Variants in RPS19 observed in about 807,000 individuals in gnomAD.
RPS19 encodes the protein small ribosomal subunit protein eS19.
A neutral mutation model predicts 20.3 loss-of-function variants in RPS19; 1 was observed. The observed-to-expected ratio is 0.05, with a 90% CI of 0.02 to 0.23. The LOEUF (loss-of-function observed/expected upper bound fraction) is 0.23. RPS19 is among the 10% of genes least tolerant of loss of function. RPS19 has a pLI of 1.00. For synonymous variants in RPS19, 87 were observed against 74.8 expected (o/e 1.16, Z -0.84); for missense variants, 111 against 192.7 (o/e 0.58, Z 2.51).
At position 41,871,869 on chromosome 19, in the gene RPS19, AAAGC is replaced by A. The variant is rs1555842117; in HGVS notation, c.*496_*499del. ...CTGCAGAGGTGGCTTCCGCTGGAGT[AAAGC>A]AAGAGGGCCCAGGGTTCATGCTCTT... On this transcript the variant is annotated 3_prime_UTR_variant, in exon 6 of 6. Transcript: ENST00000598742. 5.3e-6 allele frequency: 1 copy of A among 187,502 alleles called. No individual in the cohort carries two copies. The highest frequency in any genetic ancestry group is 2.4e-5 in the African/African-American group (1 of 42,032). 11.6% of individuals were successfully genotyped at this position (187,502 alleles called of 1,614,324 possible).
Position 41,863,842 on chromosome 19 carries a change from CTTT to C in RPS19, c.172+2650_172+2652del, listed in dbSNP as rs3035799. 297 of 117,134 alleles carry C rather than the reference CTTT, an allele frequency of 2.5e-3. 1 individual carries two copies. Among genetic ancestry groups the C allele is most frequent in the African/African-American group, 5.5e-3 (172 of 31,242 alleles). The allele number at this position is 117,134 out of a possible 1,614,324, so 7.3% of individuals were successfully genotyped here. On this transcript the variant is annotated intron_variant, in intron 3 of 5. Transcript: ENST00000598742. ...GTGGTGCAGTGTAGCCCCGGACAGG[CTTT>C]TTTTTTTTTTTTTTTTTTTAAACAG...
At chr19:41,867,169 G>A (rs1243416955) in intron 3 of RPS19, among the ~76,000 whole-genome samples, 3 of 151,850 alleles carry the variant, frequency 2.0e-5, no homozygotes, top group African/African-American at 7.3e-5. Context: ...TGGGCGTGGT[G>A]GCTTGCACCT....
In RPS19 at chr19:41,869,317, C is replaced by T. The variant is rs1026808141; in HGVS notation, c.356+103C>T. On this transcript the variant is annotated intron_variant, in intron 4 of 5. Coordinates refer to ENST00000598742, the MANE Select transcript of RPS19 (RefSeq NM_001022.4). ...ATAGTCTGCCCAGCCCCTCAGGCCCCTCCTATCAGAGGCAGGCAGGAGGGG... is the reference window on the plus strand; with the variant it reads ...ATAGTCTGCCCAGCCCCTCAGGCCCTTCCTATCAGAGGCAGGCAGGAGGGG... The T allele has an allele frequency of 4.5e-6, 5 of 1,099,546 alleles. No homozygotes were observed. In the African/African-American group the frequency reaches 6.3e-5, roughly 14 times the overall value. 68.1% of individuals were successfully genotyped at this position (1,099,546 alleles called of 1,614,324 possible). A position where few individuals can be genotyped will look rare whatever the true frequency, so the allele number is the denominator to read the frequency against.
At chr19:41,865,490 C>T (rs1369747741) in intron 3 of RPS19, among the ~76,000 whole-genome samples, 2 of 152,088 alleles carry the variant, frequency 1.3e-5, no homozygotes, top group African/African-American at 4.8e-5. Context: ...ATAGGTGGGT[C>T]CTGTGTCCCT....
In RPS19 at chr19:41,869,011, C is replaced by G. The variant is rs782791940; in HGVS notation, c.173-20C>G. ...GACCTTGATCAAGACCCTTAAATCTCCCTCTCACACTACCCCCAGCTTCCA... is the reference window on the plus strand; with the variant it reads ...GACCTTGATCAAGACCCTTAAATCTGCCTCTCACACTACCCCCAGCTTCCA... On this transcript the variant is annotated intron_variant, in intron 3 of 5. Coordinates refer to ENST00000598742, the MANE Select transcript of RPS19 (RefSeq NM_001022.4). 6.0e-5 allele frequency: 97 copies of G among 1,612,736 alleles called. No individual in the cohort carries two copies. Among genetic ancestry groups the G allele is most frequent in the Middle Eastern group, 4.9e-4 (3 of 6,072 alleles).
intron 5 of RPS19, among the ~76,000 whole-genome samples, chr19:41,870,878 T>C (rs1435894314): frequency 3.6e-5 from 5 of 137,076 alleles, no homozygotes; most frequent in African/African-American, 5.6e-5. Flanking sequence ...TTTTTTTTTT[T>C]TTGAGACAGA....
intron 5 of RPS19, among the ~76,000 whole-genome samples, chr19:41,870,580 G>T (rs1555841757): frequency 6.6e-6 from 1 of 151,926 alleles, no homozygotes; most frequent in Non-Finnish European, 1.5e-5. Flanking sequence ...GAGTCAGTGA[G>T]CTATAGTACA....
chr19:41,869,516 C>T, intron 4 of RPS19, 183 bp from the exon 5 acceptor site: 1 of 638,806 alleles, frequency 1.6e-6, no homozygotes, highest in Non-Finnish European at 2.7e-6. Flanking sequence ...AACACCCCGT[C>T]AGCTCCCAGG....
At chr19:41,868,631 G>C (rs1555841188) in intron 3 of RPS19, among the ~76,000 whole-genome samples, 1 of 152,146 alleles carries the variant, frequency 6.6e-6, no homozygotes, top group African/African-American at 2.4e-5. Context: ...TGTCTGCCCT[G>C]CCCTTGTTAT....
Position 41,872,047 on chromosome 19 carries a change from G to A in RPS19, c.*670G>A, listed in dbSNP as rs61762302. 6.0e-3 allele frequency: 910 copies of A among 152,604 alleles called. 5 individuals carry two copies. Among genetic ancestry groups the A allele is most frequent in the Non-Finnish European group, 9.8e-3 (667 of 68,230 alleles). 9.5% of individuals were successfully genotyped at this position (152,604 alleles called of 1,614,324 possible). On this transcript the variant is annotated 3_prime_UTR_variant, in exon 6 of 6. Transcript: ENST00000598742. ...TCTGCATCTGAGCGGTCTTGGGCCC[G>A]CTGAGTGGCAGTGGCAGGAAGTCGG...
At chr19:41,866,751 T>C (rs1555840799) in intron 3 of RPS19, among the ~76,000 whole-genome samples, 2 of 152,074 alleles carry the variant, frequency 1.3e-5, no homozygotes, top group East Asian at 3.9e-4. Flanking sequence ...GTGCGGTGGC[T>C]CAACCCTGTA....
intron 5 of RPS19, among the ~76,000 whole-genome samples, chr19:41,870,952 A>G (rs1308233975): frequency 2.3e-5 from 3 of 129,986 alleles, no homozygotes; most frequent in African/African-American, 5.9e-5. Flanking sequence ...AACCTCTGCC[A>G]CCTGGGTTCA....
Position 41,861,226 on chromosome 19 carries a change from G to C in RPS19, c.172+14G>C, listed in dbSNP as rs782069021. On this transcript the variant is annotated intron_variant, in intron 3 of 5. Coordinates refer to ENST00000598742, the MANE Select transcript of RPS19 (RefSeq NM_001022.4). ...ACACGCGAGCTGGTGAGGAACTTAG[G>C]TCTTTGGCTGGAGAGTGGGGAGCTG... The C allele has an allele frequency of 2.5e-6, 4 of 1,601,534 alleles. No individual in the cohort carries two copies. The highest frequency in any genetic ancestry group is 1.7e-4 in the Middle Eastern group (1 of 6,048).
At position 41,861,335 on chromosome 19, in the gene RPS19, CA is replaced by C. The variant is rs2074029728; in HGVS notation, c.172+124del. 3 of 733,316 alleles carry C rather than the reference CA, an allele frequency of 4.1e-6. No individual in the cohort carries two copies. The Admixed American group carries it at 6.0e-5, about 15-fold the overall frequency. The allele number at this position is 733,316 out of a possible 1,614,324, so 45.4% of individuals were successfully genotyped here. On this transcript the variant is annotated intron_variant, in intron 3 of 5. Transcript: ENST00000598742. ...GAGGGAGAGAAACCCTTGGTTGTGT[CA>C]CCACTTGCTTTGTGTGATGTGACAT...
At chr19:41,870,848 CCTTTTTTTTTTTTTT>C (rs1180393141) in intron 5 of RPS19, among the ~76,000 whole-genome samples, 3 of 85,766 alleles carry the variant, frequency 3.5e-5, no homozygotes, top group Non-Finnish European at 4.4e-5. Context: ...CCACTCCCTT[CCTTTTTTTTTTTTTT>C]TTTTTTTTTT....
intron 4 of RPS19, 46 bp downstream of exon 4, chr19:41,869,260 C>T (rs782373081): frequency 6.5e-7 from 1 of 1,539,284 alleles, no homozygotes; most frequent in South Asian, 1.1e-5. Context: ...GCCTTGAGGC[C>T]CGGTCATCAA....
rs1051607895 is a variant in RPS19 at position 41,872,308 on chromosome 19, A to G, written c.*931A>G. The G allele has an allele frequency of 6.6e-6, 1 of 152,276 alleles. No individual in the cohort carries two copies. Among genetic ancestry groups the G allele is most frequent in the African/African-American group, 2.4e-5 (1 of 41,480 alleles). 9.4% of individuals were successfully genotyped at this position (152,276 alleles called of 1,614,324 possible). ...GATGTCCCTCCCAGTTGGGAAGACT[A>G]AACTGGTTTGGCCAATATCTCCCAG... On this transcript the variant is annotated 3_prime_UTR_variant, in exon 6 of 6. Transcript: ENST00000598742.
In RPS19 at chr19:41,872,436, C is replaced by T. The variant is rs2074159257; in HGVS notation, c.*1059C>T. 6.6e-6 allele frequency: 1 copy of T among 152,278 alleles called. No individual in the cohort carries two copies. Among genetic ancestry groups the T allele is most frequent in the Admixed American group, 6.5e-5 (1 of 15,292 alleles). The allele number at this position is 152,278 out of a possible 1,614,324, so 9.4% of individuals were successfully genotyped here. ...TAGAGTTTAAATCACAACTCTGCCC[C>T]TAATCCCACGTAACCCTGTGCACCT... On this transcript the variant is annotated 3_prime_UTR_variant, in exon 6 of 6. Coordinates refer to ENST00000598742, the MANE Select transcript of RPS19 (RefSeq NM_001022.4).
chr19:41,868,562 C>T (rs1391690166), intron 3 of RPS19, among the ~76,000 whole-genome samples: 2 of 152,182 alleles, frequency 1.3e-5, no homozygotes, highest in Non-Finnish European at 2.9e-5. Flanking sequence ...AGCCAGCCTT[C>T]CCTGTGTCTG....
Sources: allele counts gnomAD v4.1 joint callset (sites outside exome capture counted in the v4.1 genomes callset), GRCh38; gene constraint gnomAD v4.1.1; transcripts MANE v1.5; gene names NCBI Gene and HGNC (gene_info 2026-07-23, HGNC 2026-07-21).